Variants in RALGAPA2 observed in about 807,000 individuals in gnomAD.
RALGAPA2 encodes ral GTPase-activating protein subunit alpha-2.
A neutral mutation model predicts 230.4 loss-of-function variants in RALGAPA2; 139 were observed. The ratio of observed to expected loss-of-function variants is 0.60; its 90% confidence interval spans 0.53 to 0.69. The LOEUF is 0.69. RALGAPA2 is among the 30% of genes least tolerant of loss of function. The probability of loss-of-function intolerance (pLI) is 0.00; values close to 1 mark genes in which losing one functional copy is unlikely to be tolerated. For synonymous variants in RALGAPA2, 847 were observed against 837.8 expected (o/e 1.01, Z -0.19); for missense variants, 2,163 against 2,276.0 (o/e 0.95, Z 1.01).
intron 37 of RALGAPA2, among the ~76,000 whole-genome samples, chr20:20,459,858 C>T (rs2061261078): frequency 6.6e-6 from 1 of 152,180 alleles, no homozygotes; most frequent in Non-Finnish European, 1.5e-5. Flanking sequence ...TCCCTTCGAG[C>T]TCCCATGACC....
Position 20,512,534 on chromosome 20 carries a change from C to A in RALGAPA2, c.4835G>T (p.Gly1612Val), listed in dbSNP as rs757704370. 6.2e-7 allele frequency: 1 copy of A among 1,605,606 alleles called. No homozygotes were observed. Among genetic ancestry groups the A allele is most frequent in the Admixed American group, 1.7e-5 (1 of 58,418 alleles). ...YFCRLLLDDLGMNSWDRRKNF... is the reference protein window; with the variant it reads ...YFCRLLLDDLVMNSWDRRKNF... ...TTACCTTCTGTCCCAAGAATTCATT[C>A]CCAAGTCATCAAGCAATAACCTGCA... Residue 1612 changes from glycine to valine, a missense_variant, in exon 32 of 40, where the codon GGA becomes GTA. Transcript: ENST00000202677.
At chr20:20,674,231 T>C (rs2068240901) in intron 3 of RALGAPA2, among the ~76,000 whole-genome samples, 1 of 150,540 alleles carries the variant, frequency 6.6e-6, no homozygotes, top group African/African-American at 2.4e-5. Flanking sequence ...TAGTAATTAG[T>C]CCATCCAAAA....
At chr20:20,479,929 C>G (rs1168777973) in intron 36 of RALGAPA2, among the ~76,000 whole-genome samples, 1 of 152,154 alleles carries the variant, frequency 6.6e-6, no homozygotes, top group Non-Finnish European at 1.5e-5. Context: ...TCAATGGATA[C>G]AGAATACATT....
chr20:20,507,632 T>C (rs1046755892), intron 33 of RALGAPA2, among the ~76,000 whole-genome samples: 1 of 152,220 alleles, frequency 6.6e-6, no homozygotes, highest in African/African-American at 2.4e-5. Flanking sequence ...GTTGGCTTTA[T>C]AGGGTTGAGC....
intron 4 of RALGAPA2, 51 bp from the exon 5 acceptor site, chr20:20,643,600 A>G (rs2146531907): frequency 7.4e-7 from 1 of 1,344,148 alleles, no homozygotes; most frequent in Non-Finnish European, 9.9e-7. Context: ...ATGCATATCA[A>G]AGATCTATTT....
At chr20:20,696,322 G>A (rs955518747) in intron 1 of RALGAPA2, among the ~76,000 whole-genome samples, 6 of 152,052 alleles carry the variant, frequency 3.9e-5, no homozygotes, top group Admixed American at 1.3e-4. Context: ...GTCACTGGTC[G>A]GTTTTTGGGC....
intron 37 of RALGAPA2, among the ~76,000 whole-genome samples, chr20:20,423,758 C>T (rs552247124): frequency 1.2e-4 from 19 of 152,238 alleles, no homozygotes; most frequent in South Asian, 4.2e-4. Context: ...ATGTCACAGC[C>T]TGGTAACAGG....
intron 23 of RALGAPA2, among the ~76,000 whole-genome samples, chr20:20,548,668 C>T (rs1171572145): frequency 1.3e-5 from 2 of 152,138 alleles, no homozygotes; most frequent in African/African-American, 4.8e-5. Flanking sequence ...TCAAGGCAAA[C>T]ATTCTAAGGG....
intron 14 of RALGAPA2, among the ~76,000 whole-genome samples, chr20:20,607,606 T>A (rs975061007): frequency 1.3e-5 from 2 of 152,142 alleles, no homozygotes; most frequent in African/African-American, 4.8e-5. Flanking sequence ...AAATATTAGA[T>A]CAATAAATAT....
At chr20:20,518,547 C>A (rs547476865) in intron 31 of RALGAPA2, among the ~76,000 whole-genome samples, 22 of 152,226 alleles carry the variant, frequency 1.4e-4, no homozygotes, top group Admixed American at 3.3e-4. Flanking sequence ...AAGCATCTTG[C>A]CTATTTGCTT....
chr20:20,592,491 C>A (rs1392979840), intron 16 of RALGAPA2, among the ~76,000 whole-genome samples: 1 of 152,230 alleles, frequency 6.6e-6, no homozygotes, highest in Non-Finnish European at 1.5e-5. Context: ...GACCTGCTCC[C>A]TGGCCCTGCA....
In RALGAPA2 at chr20:20,643,597, T is replaced by C. The variant is rs1173325763; in HGVS notation, c.329-48A>G. 1.1e-5 allele frequency: 15 copies of C among 1,348,202 alleles called. No homozygotes were observed. In the African/African-American group the frequency reaches 1.6e-4, roughly 15 times the overall value. The allele number at this position is 1,348,202 out of a possible 1,614,324, so 83.5% of individuals were successfully genotyped here. ...TATAAATAGAGTATATAAATGCATA[T>C]CAAAGATCTATTTTAAGAAAATATG... On this transcript the variant is annotated intron_variant, in intron 4 of 39. Coordinates refer to ENST00000202677, the MANE Select transcript of RALGAPA2 (RefSeq NM_020343.4).
At chr20:20,443,610 C>T (rs1266374723) in intron 37 of RALGAPA2, among the ~76,000 whole-genome samples, 2 of 152,200 alleles carry the variant, frequency 1.3e-5, no homozygotes, top group Non-Finnish European at 2.9e-5. Flanking sequence ...CTGTGCAAGG[C>T]GTACCACATG....
At chr20:20,493,099 TGATA>T (rs2062106290) in intron 36 of RALGAPA2, among the ~76,000 whole-genome samples, 1 of 152,214 alleles carries the variant, frequency 6.6e-6, no homozygotes, top group Non-Finnish European at 1.5e-5. Context: ...TTCTGTAACC[TGATA>T]GAGAGGACAG....
At chr20:20,538,550 C>T (rs1049712889) in intron 24 of RALGAPA2, among the ~76,000 whole-genome samples, 1 of 152,218 alleles carries the variant, frequency 6.6e-6, no homozygotes, top group Non-Finnish European at 1.5e-5. Flanking sequence ...AAGCCTTTAA[C>T]ATGTTATTGT....
chr20:20,439,316 G>A (rs1253545820), intron 37 of RALGAPA2, among the ~76,000 whole-genome samples: 6 of 151,846 alleles, frequency 4.0e-5, no homozygotes, highest in African/African-American at 1.2e-4. Context: ...AGGCTCAAGC[G>A]ATCCTCCCAC....
intron 37 of RALGAPA2, chr20:20,471,589 A>T (rs1159714610): frequency 6.6e-6 from 1 of 152,150 alleles, no homozygotes; most frequent in Non-Finnish European, 1.5e-5. Context: ...GCTGAAGGCC[A>T]AATTGACACC....
intron 19 of RALGAPA2, among the ~76,000 whole-genome samples, chr20:20,584,519 T>A (rs1157373992): frequency 2.0e-5 from 3 of 152,180 alleles, no homozygotes; most frequent in Non-Finnish European, 4.4e-5. Context: ...CTCAAATTGA[T>A]AAGCTATTAC....
intron 20 of RALGAPA2, among the ~76,000 whole-genome samples, chr20:20,576,136 T>C (rs1188261132): frequency 6.6e-6 from 1 of 152,136 alleles, no homozygotes; most frequent in Non-Finnish European, 1.5e-5. Context: ...TTTGGATTTA[T>C]AAAAAATTGT....
Sources: allele counts gnomAD v4.1 joint callset (sites outside exome capture counted in the v4.1 genomes callset), GRCh38; gene constraint gnomAD v4.1.1; transcripts MANE v1.5; gene names NCBI Gene and HGNC (gene_info 2026-07-23, HGNC 2026-07-21).